The following BRINP3 variants were observed in gnomAD, a reference collection of about 807,000 sequenced individuals.
BRINP3 encodes BMP/retinoic acid inducible neural specific 3.
A neutral mutation model predicts 71.0 loss-of-function variants in BRINP3; 19 were observed. That is an observed-to-expected ratio of 0.27 (90% confidence interval 0.19 to 0.39). The LOEUF (loss-of-function observed/expected upper bound fraction) is 0.39. BRINP3 is among the 10% of genes least tolerant of loss of function. BRINP3 has a pLI of 1.00. For missense variants in BRINP3, 959 were observed against 940.8 expected (o/e 1.02, Z -0.25); for synonymous variants, 380 against 337.7 (o/e 1.13, Z -1.37).
At chr1:190,139,364 AT>A (rs1390378389) in intron 7 of BRINP3, among the ~76,000 whole-genome samples, 2 of 151,294 alleles carry the variant, frequency 1.3e-5, no homozygotes, top group East Asian at 3.9e-4. Flanking sequence ...AAGCGGGAGA[AT>A]CACTTGAACC....
chr1:190,363,241 A>G (rs921203677), intron 2 of BRINP3, among the ~76,000 whole-genome samples: 6 of 152,250 alleles, frequency 3.9e-5, no homozygotes, highest in African/African-American at 1.4e-4. Flanking sequence ...GAAATTAAGT[A>G]CTGTCTACAA....
intron 4 of BRINP3, among the ~76,000 whole-genome samples, chr1:190,235,553 A>G (rs1658434320): frequency 6.6e-6 from 1 of 152,004 alleles, no homozygotes. Flanking sequence ...GGAAGACACC[A>G]TATTACCCAG....
chr1:190,288,600 T>C (rs1663615963), intron 2 of BRINP3, among the ~76,000 whole-genome samples: 1 of 151,898 alleles, frequency 6.6e-6, no homozygotes, highest in South Asian at 2.1e-4. Flanking sequence ...GTAATAAAAC[T>C]GATACAGGAG....
chr1:190,399,600 GA>G (rs1478635772), intron 2 of BRINP3, among the ~76,000 whole-genome samples: 1 of 152,006 alleles, frequency 6.6e-6, no homozygotes, highest in Non-Finnish European at 1.5e-5. Flanking sequence ...AGATACAAGT[GA>G]AGCTGCAAGA....
chr1:190,446,581 A>G (rs1675233759), intron 2 of BRINP3, among the ~76,000 whole-genome samples: 1 of 152,114 alleles, frequency 6.6e-6, no homozygotes, highest in Non-Finnish European at 1.5e-5. Context: ...ATAAATGCCG[A>G]TATAAGAATT....
At chr1:190,259,283 T>C (rs574980094) in intron 4 of BRINP3, among the ~76,000 whole-genome samples, 46 of 150,582 alleles carry the variant, frequency 3.1e-4, no homozygotes, top group African/African-American at 1.0e-3. Flanking sequence ...ATAAAAGAAA[T>C]ATACACATTG....
intron 6 of BRINP3, among the ~76,000 whole-genome samples, 182 bp downstream of exon 6, chr1:190,225,900 T>C (rs1294440769): frequency 1.3e-5 from 2 of 151,920 alleles, no homozygotes; most frequent in Admixed American, 1.3e-4. Flanking sequence ...CAATAGTACA[T>C]AGCAATACAC....
chr1:190,216,259 G>T (rs989378165), intron 6 of BRINP3, among the ~76,000 whole-genome samples: 4 of 151,624 alleles, frequency 2.6e-5, no homozygotes, highest in Admixed American at 2.0e-4. Flanking sequence ...TGTGATCTTT[G>T]TCTAATTAAT....
rs544135329 is a variant in BRINP3, at chr1:190,457,507, T to C, written c.-50-2567A>G. Among the ~76,000 whole-genome samples the C allele has an allele frequency of 1.3e-3, 203 of 152,154 alleles. 2 individuals carry two copies. Among genetic ancestry groups the C allele is most frequent in the African/African-American group, 4.7e-3 (195 of 41,542 alleles). On this transcript the variant is annotated intron_variant, in intron 1 of 7. Coordinates refer to ENST00000367462, the MANE Select transcript of BRINP3 (RefSeq NM_199051.3). ...GCCCTTCTACTAACGCTATAGATGT[T>C]TGACTTTAGGCAAGTTACTTAACTT... is the stretch of plus-strand genomic sequence containing the variant.
chr1:190,474,899 T>G (rs1677399408), intron 1 of BRINP3: 1 of 151,818 alleles, frequency 6.6e-6, no homozygotes, highest in African/African-American at 2.4e-5. Context: ...AAGAGAGCGC[T>G]CCCAGTCCCA....
At chr1:190,211,451 TAATG>T (rs1655982951) in intron 6 of BRINP3, among the ~76,000 whole-genome samples, 1 of 152,066 alleles carries the variant, frequency 6.6e-6, no homozygotes, top group South Asian at 2.1e-4. Context: ...TAGAGACACT[TAATG>T]AAGTAAATCA....
chr1:190,184,954 A>C (rs1571936231), intron 6 of BRINP3, among the ~76,000 whole-genome samples: 1 of 152,316 alleles, frequency 6.6e-6, no homozygotes, highest in Middle Eastern at 3.4e-3. Context: ...ATACATAAAC[A>C]TAAACTCAAA....
chr1:190,257,108 C>T (rs1276198304), intron 4 of BRINP3, among the ~76,000 whole-genome samples: 1 of 152,160 alleles, frequency 6.6e-6, no homozygotes, highest in East Asian at 1.9e-4. Context: ...ATTCTCCTGT[C>T]AGTTTCACGT....
intron 6 of BRINP3, among the ~76,000 whole-genome samples, chr1:190,179,511 AC>A (rs1394213659): frequency 6.6e-6 from 1 of 152,072 alleles, no homozygotes; most frequent in Non-Finnish European, 1.5e-5. Context: ...CGAGGTCTTG[AC>A]TTTCCATTTT....
intron 6 of BRINP3, among the ~76,000 whole-genome samples, chr1:190,170,681 A>G (rs1651935091): frequency 6.6e-6 from 1 of 152,204 alleles, no homozygotes; most frequent in Admixed American, 6.5e-5. Flanking sequence ...TACATTTCTT[A>G]ACTTATGGAT....
At chr1:190,134,503 G>A (rs995437926) in intron 7 of BRINP3, among the ~76,000 whole-genome samples, 7 of 152,034 alleles carry the variant, frequency 4.6e-5, no homozygotes, top group African/African-American at 7.2e-5. Flanking sequence ...AAAGAAGGGC[G>A]GGAGTGAAAT....
At chr1:190,339,017 T>G (rs566110221) in intron 2 of BRINP3, among the ~76,000 whole-genome samples, 1 of 145,876 alleles carries the variant, frequency 6.9e-6, no homozygotes, top group Non-Finnish European at 1.5e-5. Flanking sequence ...AATAAATAAA[T>G]AAATAAATAA....
At chr1:190,323,239 T>G (rs1558181587) in intron 2 of BRINP3, among the ~76,000 whole-genome samples, 2 of 152,052 alleles carry the variant, frequency 1.3e-5, no homozygotes, top group African/African-American at 4.8e-5. Context: ...CAAATTTATA[T>G]GTTAAGTTGT....
chr1:190,174,817 T>A (rs1239745850), intron 6 of BRINP3, among the ~76,000 whole-genome samples: 5 of 152,158 alleles, frequency 3.3e-5, no homozygotes, highest in Non-Finnish European at 7.4e-5. Flanking sequence ...ATCTTGCTTT[T>A]TTCTACAGAT....
Sources: allele counts gnomAD v4.1 joint callset (sites outside exome capture counted in the v4.1 genomes callset), GRCh38; gene constraint gnomAD v4.1.1; transcripts MANE v1.5; gene names NCBI Gene and HGNC (gene_info 2026-07-23, HGNC 2026-07-21).